The following ZMYND11 variants were observed in gnomAD, a reference collection of about 807,000 sequenced individuals.
ZMYND11 encodes zinc finger MYND-type containing 11.
Under a neutral mutation model 84.9 loss-of-function variants are expected in ZMYND11, and 9 were observed. The ratio of observed to expected loss-of-function variants is 0.11; its 90% confidence interval spans 0.06 to 0.18. The LOEUF (loss-of-function observed/expected upper bound fraction) is 0.18, where lower values mean the gene tolerates loss of function less well. Among genes scored for constraint, ZMYND11 ranks in the 10% least tolerant of loss-of-function variants. The probability of loss-of-function intolerance (pLI) is 1.00; values close to 1 mark genes in which losing one functional copy is unlikely to be tolerated. For synonymous variants in ZMYND11, 250 were observed against 244.1 expected, an observed-to-expected ratio of 1.02 and a Z score of -0.23; for missense variants, 409 against 761.0, an observed-to-expected ratio of 0.54 and a Z score of 5.44.
intron 1 of ZMYND11, among the ~76,000 whole-genome samples, chr10:175,784 G>T (rs1259554107): frequency 1.3e-5 from 2 of 152,062 alleles, no homozygotes; most frequent in Non-Finnish European, 2.9e-5. Flanking sequence ...AAAATGGTAT[G>T]AATAGACAAT....
chr10:180,160 A>G (rs766594740), intron 2 of ZMYND11, 32 bp downstream of exon 2: 1 of 1,572,652 alleles, frequency 6.4e-7, no homozygotes, highest in South Asian at 1.1e-5. Flanking sequence ...TATCTCTGTA[A>G]AATGTCGTAG....
intron 4 of ZMYND11, 75 bp from the exon 5 acceptor site, chr10:236,763 A>G (rs1044101000): frequency 3.2e-6 from 4 of 1,261,102 alleles, no homozygotes; most frequent in East Asian, 2.5e-5. Context: ...AGTGTTTCAT[A>G]TATGTCTTTT....
At chr10:209,764 T>C in intron 2 of ZMYND11, 125 bp from the exon 3 acceptor site, 1 of 880,008 alleles carries the variant, frequency 1.1e-6, no homozygotes, top group Non-Finnish European at 1.7e-6. Flanking sequence ...TCTTGTTCTT[T>C]ATCTCAACAG....
intron 2 of ZMYND11, among the ~76,000 whole-genome samples, chr10:199,373 G>A (rs1047481649): frequency 8.9e-5 from 13 of 146,220 alleles, no homozygotes; most frequent in Non-Finnish European, 1.9e-4. Context: ...ATGCATGTAC[G>A]TATGTATATG....
At chr10:217,104 G>C (rs1264926447) in intron 3 of ZMYND11, among the ~76,000 whole-genome samples, 1 of 108,640 alleles carries the variant, frequency 9.2e-6, no homozygotes, top group Admixed American at 1.1e-4. Context: ...TATTGATGAG[G>C]GTGGATTATA....
At chr10:241,132 T>G (rs565077315) in intron 9 of ZMYND11, among the ~76,000 whole-genome samples, 162 bp downstream of exon 9, 3 of 152,308 alleles carry the variant, frequency 2.0e-5, no homozygotes, top group African/African-American at 4.8e-5. Context: ...GGGCTTGTTA[T>G]CCATTTCTGA....
At chr10:184,899 GTTTT>G (rs34092762) in intron 2 of ZMYND11, among the ~76,000 whole-genome samples, 2 of 150,534 alleles carry the variant, frequency 1.3e-5, no homozygotes, top group South Asian at 4.2e-4. Context: ...TCTTTTCCCC[GTTTT>G]TTTTTGTGGA....
At chr10:134,335 T>G (rs972052185), upstream of ZMYND11, 12 of 152,260 alleles carry the variant, frequency 7.9e-5, no homozygotes, top group Admixed American at 4.6e-4. Context: ...CGACTCCCAG[T>G]GGCGAAAGGT....
chr10:185,399 C>T (rs1937978721), intron 2 of ZMYND11, among the ~76,000 whole-genome samples: 1 of 149,620 alleles, frequency 6.7e-6, no homozygotes, highest in South Asian at 2.1e-4. Flanking sequence ...ATTTGGTATT[C>T]TTCCAGTAAC....
At chr10:175,746 CTAATATAAAAATTAATA>C (rs1455671366) in intron 1 of ZMYND11, among the ~76,000 whole-genome samples, 2 of 151,578 alleles carry the variant, frequency 1.3e-5, no homozygotes, top group Non-Finnish European at 2.9e-5. Context: ...ATGGATAAAC[CTAATATAAAAATTAATA>C]TATAAATGGG....
intron 2 of ZMYND11, among the ~76,000 whole-genome samples, chr10:195,540 C>A (rs1941524870): frequency 6.6e-6 from 1 of 152,066 alleles, no homozygotes; most frequent in African/African-American, 2.4e-5. Context: ...ATTTCAGATA[C>A]ATAATATTAA....
chr10:226,163 G>A (rs1822300895), intron 4 of ZMYND11, among the ~76,000 whole-genome samples: 1 of 152,164 alleles, frequency 6.6e-6, no homozygotes, highest in Middle Eastern at 3.4e-3. Context: ...TCCCCATTAC[G>A]CCAGAGTTAC....
intron 2 of ZMYND11, among the ~76,000 whole-genome samples, chr10:199,115 T>C (rs1037382272): frequency 6.6e-5 from 10 of 152,212 alleles, no homozygotes; most frequent in African/African-American, 2.4e-4. Context: ...TTTTCCAGAA[T>C]TGGCAGATGC....
At chr10:242,424 C>CATTCCATAATATGGTAATGG (rs1447876465) in intron 10 of ZMYND11, among the ~76,000 whole-genome samples, 2 of 152,198 alleles carry the variant, frequency 1.3e-5, no homozygotes, top group East Asian at 3.9e-4. Flanking sequence ...AGAATGTGTC[C>CATTCCATAATATGGTAATGG]ATTCCATAAT....
intron 2 of ZMYND11, among the ~76,000 whole-genome samples, chr10:194,684 G>T (rs987182218): frequency 6.6e-6 from 1 of 152,118 alleles, no homozygotes; most frequent in Non-Finnish European, 1.5e-5. Context: ...ATTTTAATGT[G>T]CTTACTGACC....
At chr10:244,681 G>A (rs968803328) in intron 10 of ZMYND11, 1 of 152,266 alleles carries the variant, frequency 6.6e-6, no homozygotes, top group Non-Finnish European at 1.5e-5. Context: ...AATGTAGTTA[G>A]AGCATTGGCA....
At chr10:215,560 TG>T (rs1203238793) in intron 3 of ZMYND11, among the ~76,000 whole-genome samples, 2 of 151,466 alleles carry the variant, frequency 1.3e-5, no homozygotes, top group African/African-American at 2.4e-5. Flanking sequence ...CTTTGTTTTT[TG>T]TTTTTTTTTT....
At chr10:199,702 G>A (rs537138315) in intron 2 of ZMYND11, among the ~76,000 whole-genome samples, 66 of 152,050 alleles carry the variant, frequency 4.3e-4, no homozygotes, top group Admixed American at 1.2e-3. Context: ...TAAAGTGCTG[G>A]GATTATAGGT....
intron 1 of ZMYND11, among the ~76,000 whole-genome samples, chr10:175,969 C>G (rs1227562750): frequency 1.3e-5 from 2 of 152,210 alleles, no homozygotes; most frequent in Non-Finnish European, 2.9e-5. Context: ...CATCTCTCTT[C>G]CCTGCACCCT....
Sources: gnomAD v4.1 joint callset for allele counts (sites outside exome capture counted in the v4.1 genomes callset) on GRCh38, gnomAD v4.1.1 for gene constraint, MANE v1.5 for transcripts, NCBI Gene and HGNC (gene_info 2026-07-23, HGNC 2026-07-21) for gene names.